THRB: variants seen among roughly 807,000 people sequenced by gnomAD.
THRB encodes the protein nuclear receptor subfamily 1 group A member 2.
Under a neutral mutation model 47.8 loss-of-function variants are expected in THRB, and 12 were observed. The observed-to-expected ratio is 0.25, with a 90% CI of 0.16 to 0.41. The LOEUF is 0.41. Ranked by LOEUF, THRB falls within the 10% of genes least tolerant of loss-of-function variation. The pLI is 1.00. For missense variants in THRB, 348 were observed against 589.2 expected (o/e 0.59, Z 4.24); for synonymous variants, 218 against 212.2 (o/e 1.03, Z -0.24).
chr3:24,458,951 T>C (rs2073438198), intron 1 of THRB: 1 of 150,982 alleles, frequency 6.6e-6, no homozygotes, highest in Non-Finnish European at 1.5e-5. Context: ...TATTTATTTA[T>C]AAATATTTAT....
intron 4 of THRB, among the ~76,000 whole-genome samples, chr3:24,217,923 G>C (rs1291131400): frequency 6.6e-6 from 1 of 152,140 alleles, no homozygotes; most frequent in Admixed American, 6.6e-5. Context: ...ACTTCCTTTT[G>C]CCCGAATTGT....
chr3:24,489,620 A>G (rs1697835746), intron 1 of THRB, among the ~76,000 whole-genome samples: 2 of 152,204 alleles, frequency 1.3e-5, no homozygotes. Flanking sequence ...TTCACAGCAG[A>G]ACTCAGTTTC....
intron 4 of THRB, among the ~76,000 whole-genome samples, chr3:24,197,214 C>T (rs9837266): frequency 0.06 from 9,075 of 152,240 alleles, 865 homozygotes; most frequent in African/African-American, 0.21. Flanking sequence ...AGCCACTGGT[C>T]TGCTAGGAGG....
intron 3 of THRB, among the ~76,000 whole-genome samples, chr3:24,289,091 A>C (rs1400603139): frequency 6.6e-6 from 1 of 152,194 alleles, no homozygotes; most frequent in Non-Finnish European, 1.5e-5. Flanking sequence ...ACAAGAGCCC[A>C]GTGTGGGGTT....
At chr3:24,147,081 A>G (rs1419052320) in intron 6 of THRB, among the ~76,000 whole-genome samples, 6 of 152,184 alleles carry the variant, frequency 3.9e-5, no homozygotes, top group Admixed American at 2.6e-4. Flanking sequence ...AGAGGCTAGT[A>G]GGAACATCTA....
chr3:24,136,664 A>G (rs1456269596), intron 8 of THRB, among the ~76,000 whole-genome samples: 1 of 152,230 alleles, frequency 6.6e-6, no homozygotes, highest in Non-Finnish European at 1.5e-5. Flanking sequence ...ATCAAGCTCC[A>G]ATACTGATGA....
chr3:24,359,754 T>C (rs1412095725), intron 1 of THRB, among the ~76,000 whole-genome samples: 3 of 152,156 alleles, frequency 2.0e-5, no homozygotes, highest in Admixed American at 1.3e-4. Flanking sequence ...TCTTTGCCCA[T>C]GTGCGTGGGG....
intron 1 of THRB, among the ~76,000 whole-genome samples, chr3:24,370,885 C>A (rs891916436): frequency 2.6e-5 from 4 of 152,132 alleles, no homozygotes; most frequent in Non-Finnish European, 1.5e-5. Flanking sequence ...TGAATTTAGG[C>A]CAAATCACCC....
chr3:24,327,929 C>T (rs2061693212), intron 2 of THRB, among the ~76,000 whole-genome samples: 1 of 151,914 alleles, frequency 6.6e-6, no homozygotes, highest in African/African-American at 2.4e-5. Flanking sequence ...AGATAATATC[C>T]TTAATAAAGA....
chr3:24,398,121 C>T (rs996068020), intron 1 of THRB, among the ~76,000 whole-genome samples: 2 of 151,910 alleles, frequency 1.3e-5, no homozygotes, highest in Non-Finnish European at 2.9e-5. Flanking sequence ...TTGGTAAATA[C>T]CAGTAATTAA....
At chr3:24,365,686 AT>A (rs1378173120) in intron 1 of THRB, among the ~76,000 whole-genome samples, 1 of 152,178 alleles carries the variant, frequency 6.6e-6, no homozygotes, top group Non-Finnish European at 1.5e-5. Flanking sequence ...CCTTAATTTT[AT>A]TTTTAAGAGT....
chr3:24,378,056 A>AT (rs1461054967), intron 1 of THRB, among the ~76,000 whole-genome samples: 1 of 152,158 alleles, frequency 6.6e-6, no homozygotes, highest in Non-Finnish European at 1.5e-5. Context: ...GCAAGGTTGA[A>AT]TTAGACCAAT....
Position 24,324,574 on chromosome 3 carries a change from G to T in THRB, c.-189+12726C>A, listed in dbSNP as rs531687326. Among the ~76,000 whole-genome samples the T allele has an allele frequency of 2.0e-5, 3 of 152,136 alleles. No individual in the cohort carries two copies. In the East Asian group the frequency reaches 5.8e-4, roughly 29 times the overall value. On this transcript the variant is annotated intron_variant, in intron 2 of 10. Transcript: ENST00000646209. ...TATTGTGAAATATAATATACATACA[G>T]AAAACTGCATACATATCAACTTTTT...
intron 1 of THRB, among the ~76,000 whole-genome samples, chr3:24,474,596 G>A (rs1022030740): frequency 2.0e-5 from 3 of 152,142 alleles, no homozygotes; most frequent in Admixed American, 6.5e-5. Flanking sequence ...TCTGGTTCAG[G>A]TTTCCTATGT....
chr3:24,356,735 T>C (rs2063699383), intron 1 of THRB, among the ~76,000 whole-genome samples: 1 of 152,146 alleles, frequency 6.6e-6, no homozygotes, highest in African/African-American at 2.4e-5. Context: ...AAGTCACTAG[T>C]AGGGCCAAGT....
chr3:24,362,416 C>T (rs1280809539), intron 1 of THRB, among the ~76,000 whole-genome samples: 1 of 152,172 alleles, frequency 6.6e-6, no homozygotes, highest in Non-Finnish European at 1.5e-5. Flanking sequence ...TATGCACAAG[C>T]ATCATTCCTG....
At chr3:24,459,650 G>A (rs557733187) in intron 1 of THRB, among the ~76,000 whole-genome samples, 13 of 152,142 alleles carry the variant, frequency 8.5e-5, no homozygotes, top group South Asian at 2.1e-4. Flanking sequence ...TTTAATGATC[G>A]TCATTCTAGC....
chr3:24,298,985 T>C (rs903897528), intron 2 of THRB, among the ~76,000 whole-genome samples: 23 of 152,074 alleles, frequency 1.5e-4, no homozygotes, highest in Admixed American at 7.2e-4. Flanking sequence ...CGGTGGCTCA[T>C]GCCTGTAATC....
At chr3:24,209,776 TAAC>T (rs944459906) in intron 4 of THRB, among the ~76,000 whole-genome samples, 32 of 152,136 alleles carry the variant, frequency 2.1e-4, no homozygotes, top group African/African-American at 7.7e-4. Flanking sequence ...TATACAAAAT[TAAC>T]AAACTGCACA....
Sources: allele counts gnomAD v4.1 joint callset (sites outside exome capture counted in the v4.1 genomes callset), GRCh38; gene constraint gnomAD v4.1.1; transcripts MANE v1.5; gene names NCBI Gene and HGNC (gene_info 2026-07-23, HGNC 2026-07-21).